TIMD4: variants seen among roughly 807,000 people sequenced by gnomAD.
The protein encoded by TIMD4 is T cell immunoglobulin and mucin domain containing 4.
TIMD4 carries 31 observed loss-of-function variants against 41.2 expected under a neutral mutation model. The observed-to-expected ratio is 0.75, with a 90% CI of 0.57 to 1.01. The LOEUF (loss-of-function observed/expected upper bound fraction) is 1.01. Ranked by LOEUF, TIMD4 falls within the 50% of genes least tolerant of loss-of-function variation. The pLI is 0.00. For missense variants in TIMD4, 479 were observed against 472.5 expected (o/e 1.01, Z -0.13); for synonymous variants, 204 against 177.1 (o/e 1.15, Z -1.21).
chr5:156,953,744 C>G (rs1212632584), intron 2 of TIMD4, among the ~76,000 whole-genome samples: 1 of 151,246 alleles, frequency 6.6e-6, no homozygotes, highest in East Asian at 1.9e-4. Flanking sequence ...AGGAATAGAG[C>G]CCAAGGATCC....
At chr5:156,949,318 G>A (rs1160269240) in intron 4 of TIMD4, among the ~76,000 whole-genome samples, 1 of 152,152 alleles carries the variant, frequency 6.6e-6, no homozygotes, top group Non-Finnish European at 1.5e-5. Context: ...ACAGCTAAGT[G>A]CTACTTAGCC....
At chr5:156,931,988 A>G (rs1759451355) in intron 5 of TIMD4, among the ~76,000 whole-genome samples, 1 of 147,362 alleles carries the variant, frequency 6.8e-6, no homozygotes, top group South Asian at 2.3e-4. Context: ...ATCATTACAC[A>G]GTATTCTTTT....
intron 6 of TIMD4, among the ~76,000 whole-genome samples, chr5:156,923,184 T>C (rs1303001531): frequency 6.7e-6 from 1 of 148,278 alleles, no homozygotes; most frequent in African/African-American, 2.5e-5. Context: ...AGTCTCACTC[T>C]GTCAGCCAGG....
At chr5:156,934,375 C>T (rs1759501563) in intron 5 of TIMD4, among the ~76,000 whole-genome samples, 2 of 152,192 alleles carry the variant, frequency 1.3e-5, no homozygotes, top group Non-Finnish European at 2.9e-5. Flanking sequence ...CTCACCTCTG[C>T]TTCCCAAATA....
chr5:156,938,647 C>A (rs1326131914), intron 5 of TIMD4, among the ~76,000 whole-genome samples: 2 of 152,182 alleles, frequency 1.3e-5, no homozygotes, highest in African/African-American at 2.4e-5. Context: ...CCTCCTATGC[C>A]ATGCCAGAAT....
intron 5 of TIMD4, among the ~76,000 whole-genome samples, chr5:156,941,289 A>C (rs1419354295): frequency 6.6e-6 from 1 of 152,180 alleles, no homozygotes; most frequent in Non-Finnish European, 1.5e-5. Context: ...CCCCTCTCCG[A>C]GAAACACCCA....
chr5:156,922,311 G>A, intron 6 of TIMD4, 95 bp from the exon 7 acceptor site: 2 of 953,692 alleles, frequency 2.1e-6, no homozygotes, highest in South Asian at 2.8e-5. Flanking sequence ...ACAACCACCA[G>A]CAGTTTCACT....
rs1439336226 is a variant in TIMD4 at position 156,949,631 on chromosome 5, G to C, written c.760+20C>G. 1 of 1,589,722 alleles carries C rather than the reference G, an allele frequency of 6.3e-7. No individual in the cohort carries two copies. Among genetic ancestry groups the C allele is most frequent in the Admixed American group, 1.7e-5 (1 of 59,944 alleles). On this transcript the variant is annotated intron_variant, in intron 4 of 8. Coordinates refer to ENST00000274532, the MANE Select transcript of TIMD4 (RefSeq NM_138379.3). ...AGTACAAAGGGTGAGGGAGGACAGA[G>C]AGAGTGAGTGTCTGCACACCTTTGG...
intron 6 of TIMD4, among the ~76,000 whole-genome samples, chr5:156,924,996 A>T (rs1379489077): frequency 6.6e-6 from 1 of 152,122 alleles, no homozygotes; most frequent in Non-Finnish European, 1.5e-5. Context: ...CCAAGTTAAA[A>T]AAAGAAAAAG....
chr5:156,929,338 G>A lies in TIMD4; in HGVS notation c.845-3026C>T, dbSNP rs73813909. 3.5e-3 allele frequency among the ~76,000 whole-genome samples: 540 copies of A among 152,268 alleles called. 1 individual carries two copies. The highest frequency in any genetic ancestry group is 0.012 in the African/African-American group (512 of 41,548). ...TGGGAGTAAAGCAATTCTGCAAGAG[G>A]GAAGTATAATGAGTAGCATAGTATC... On this transcript the variant is annotated intron_variant, in intron 5 of 8. Transcript: ENST00000274532.
intron 3 of TIMD4, among the ~76,000 whole-genome samples, 156 bp downstream of exon 3, chr5:156,951,356 A>G (rs1759849013): frequency 1.3e-5 from 2 of 152,078 alleles, no homozygotes; most frequent in African/African-American, 4.8e-5. Flanking sequence ...TGTTTAAGCT[A>G]CCCAGTCTGC....
intron 5 of TIMD4, among the ~76,000 whole-genome samples, chr5:156,942,349 G>C (rs936370361): frequency 2.0e-5 from 3 of 152,180 alleles, no homozygotes; most frequent in African/African-American, 7.2e-5. Context: ...CTGGCCTCTT[G>C]CCTTAGCTCT....
intron 5 of TIMD4, among the ~76,000 whole-genome samples, chr5:156,930,982 T>C (rs1015122974): frequency 2.6e-5 from 4 of 152,184 alleles, no homozygotes; most frequent in African/African-American, 7.2e-5. Flanking sequence ...GTGGGTCTCA[T>C]GTAATTACAA....
At chr5:156,922,926 A>G (rs762123741) in intron 6 of TIMD4, among the ~76,000 whole-genome samples, 4 of 152,222 alleles carry the variant, frequency 2.6e-5, no homozygotes, top group Non-Finnish European at 4.4e-5. Context: ...GTTGCCATAA[A>G]ACATGTTATG....
chr5:156,925,502 G>A (rs1759330958), intron 6 of TIMD4, among the ~76,000 whole-genome samples: 1 of 152,204 alleles, frequency 6.6e-6, no homozygotes, highest in African/African-American at 2.4e-5. Flanking sequence ...TGGGGAAGAA[G>A]AAAGAGGGGA....
chr5:156,927,444 G>A (rs1490188666), intron 5 of TIMD4, among the ~76,000 whole-genome samples: 2 of 152,242 alleles, frequency 1.3e-5, no homozygotes, highest in East Asian at 3.8e-4. Flanking sequence ...GTAGCTGCAA[G>A]AGATGAGACA....
Position 156,925,742 on chromosome 5 carries a change from G to T in TIMD4, c.894+521C>A, listed in dbSNP as rs116263781. Among the ~76,000 whole-genome samples, 1,353 of 152,252 alleles carry T rather than the reference G, an allele frequency of 8.9e-3. 22 individuals are homozygous for T. Among genetic ancestry groups the T allele is most frequent in the African/African-American group, 0.031 (1,282 of 41,522 alleles). ...TTTTCTTTTTGCTTTTCAAAGTATT[G>T]GCACATACAGATGTAACAATCAAGG... On this transcript the variant is annotated intron_variant, in intron 6 of 8. Coordinates refer to ENST00000274532, the MANE Select transcript of TIMD4 (RefSeq NM_138379.3).
At chr5:156,953,129 C>A (rs1049875258) in intron 2 of TIMD4, among the ~76,000 whole-genome samples, 8 of 152,130 alleles carry the variant, frequency 5.3e-5, no homozygotes, top group Non-Finnish European at 1.0e-4. Flanking sequence ...ATATAAAGGT[C>A]AAGTATTTTA....
intron 8 of TIMD4, 115 bp downstream of exon 8, chr5:156,920,349 C>A: frequency 8.5e-7 from 1 of 1,176,146 alleles, no homozygotes; most frequent in Non-Finnish European, 1.2e-6. Context: ...CACATCTTTC[C>A]AACTCTATGT....
Sources: allele counts gnomAD v4.1 joint callset (sites outside exome capture counted in the v4.1 genomes callset), GRCh38; gene constraint gnomAD v4.1.1; transcripts MANE v1.5; gene names NCBI Gene and HGNC (gene_info 2026-07-23, HGNC 2026-07-21).